Variants in NEGR1 observed in about 807,000 individuals in gnomAD.
NEGR1 encodes IgLON family member 4.
A neutral mutation model predicts 40.9 loss-of-function variants in NEGR1; 10 were observed. The ratio of observed to expected loss-of-function variants is 0.24; its 90% confidence interval spans 0.15 to 0.42. The LOEUF is 0.42. Ranked by LOEUF, NEGR1 falls within the 10% of genes least tolerant of loss-of-function variation. The probability of loss-of-function intolerance (pLI) is 1.00; values close to 1 mark genes in which losing one functional copy is unlikely to be tolerated. For synonymous variants in NEGR1, 185 were observed against 166.8 expected, an observed-to-expected ratio of 1.11 and a Z score of -0.84; for missense variants, 352 against 438.9, an observed-to-expected ratio of 0.80 and a Z score of 1.77.
chr1:72,030,896 A>C (rs78677627), intron 1 of NEGR1, among the ~76,000 whole-genome samples: 1 of 152,202 alleles, frequency 6.6e-6, no homozygotes. Context: ...GGAAAAAAAA[A>C]CAACTGAAGG....
chr1:71,618,966 C>T (rs950338938), intron 4 of NEGR1, among the ~76,000 whole-genome samples: 5 of 151,960 alleles, frequency 3.3e-5, no homozygotes, highest in African/African-American at 4.8e-5. Flanking sequence ...TTATGTTGTC[C>T]GTGACTTTTA....
intron 1 of NEGR1, among the ~76,000 whole-genome samples, chr1:72,279,015 A>T (rs1454560209): frequency 1.3e-5 from 2 of 152,230 alleles, no homozygotes; most frequent in South Asian, 2.1e-4. Context: ...ATCATTCAGA[A>T]ATTTAGCACA....
At chr1:71,837,925 A>T (rs891539699) in intron 2 of NEGR1, among the ~76,000 whole-genome samples, 2 of 152,120 alleles carry the variant, frequency 1.3e-5, no homozygotes, top group Non-Finnish European at 2.9e-5. Context: ...ATAAATTTGT[A>T]TTCTTCCTGA....
intron 2 of NEGR1, among the ~76,000 whole-genome samples, chr1:71,878,464 G>A (rs1316994510): frequency 6.6e-6 from 1 of 152,054 alleles, no homozygotes; most frequent in Admixed American, 6.6e-5. Flanking sequence ...TGTTATTGCT[G>A]GTTCAGCGAC....
chr1:71,473,954 T>G (rs1646801286), intron 6 of NEGR1, among the ~76,000 whole-genome samples: 1 of 152,062 alleles, frequency 6.6e-6, no homozygotes, highest in African/African-American at 2.4e-5. Flanking sequence ...ATAGATGTCT[T>G]GCCTGAGCCT....
chr1:71,935,812 T>C (rs990995360), intron 1 of NEGR1, among the ~76,000 whole-genome samples: 5 of 152,164 alleles, frequency 3.3e-5, no homozygotes, highest in Non-Finnish European at 7.3e-5. Flanking sequence ...TTTCTTTCTT[T>C]ATTTGAGGCA....
intron 1 of NEGR1, among the ~76,000 whole-genome samples, chr1:72,124,898 C>T (rs1216477191): frequency 6.6e-6 from 1 of 152,014 alleles, no homozygotes. Flanking sequence ...TATAATTTCT[C>T]ATTTGATAAC....
At chr1:71,586,474 T>G (rs1453993360) in intron 6 of NEGR1, among the ~76,000 whole-genome samples, 2 of 152,162 alleles carry the variant, frequency 1.3e-5, no homozygotes, top group Non-Finnish European at 2.9e-5. Flanking sequence ...AGGGTTTCAT[T>G]GCTTAAGAAA....
At chr1:72,071,753 C>A (rs972039793) in intron 1 of NEGR1, among the ~76,000 whole-genome samples, 5 of 152,054 alleles carry the variant, frequency 3.3e-5, no homozygotes, top group Admixed American at 6.6e-5. Flanking sequence ...TTTCCTGTTT[C>A]CACAACCACT....
chr1:71,830,325 C>T (rs546590280), intron 2 of NEGR1, among the ~76,000 whole-genome samples: 18 of 151,896 alleles, frequency 1.2e-4, no homozygotes, highest in Middle Eastern at 6.8e-3. Flanking sequence ...ATAAAAGGGG[C>T]TAATAGTAAA....
intron 1 of NEGR1, among the ~76,000 whole-genome samples, chr1:72,180,710 G>C (rs1261695320): frequency 1.3e-5 from 2 of 151,994 alleles, no homozygotes; most frequent in East Asian, 3.9e-4. Flanking sequence ...ATATGAAAAA[G>C]TGCTCATCAT....
chr1:71,780,305 A>G (rs1656666855), intron 2 of NEGR1, among the ~76,000 whole-genome samples: 1 of 152,218 alleles, frequency 6.6e-6, no homozygotes, highest in Non-Finnish European at 1.5e-5. Flanking sequence ...AGAGTTATAA[A>G]GAAATATATT....
chr1:72,101,757 TGCTTAC>T (rs1648955742), intron 1 of NEGR1, among the ~76,000 whole-genome samples: 1 of 152,124 alleles, frequency 6.6e-6, no homozygotes, highest in South Asian at 2.1e-4. Context: ...GAACTGGCAC[TGCTTAC>T]TCTAGGGCCA....
intron 4 of NEGR1, among the ~76,000 whole-genome samples, chr1:71,624,544 C>T (rs968356516): frequency 2.0e-4 from 30 of 151,940 alleles, no homozygotes; most frequent in Admixed American, 1.5e-3. Flanking sequence ...CTTCTGTGAC[C>T]ACATCTCTGT....
chr1:72,169,497 G>A (rs1651887309), intron 1 of NEGR1, among the ~76,000 whole-genome samples: 1 of 152,110 alleles, frequency 6.6e-6, no homozygotes, highest in Non-Finnish European at 1.5e-5. Context: ...TGAACTTAGT[G>A]TATAATCTTA....
intron 1 of NEGR1, among the ~76,000 whole-genome samples, chr1:71,964,364 T>G (rs1380791437): frequency 1.3e-5 from 2 of 152,134 alleles, no homozygotes; most frequent in African/African-American, 4.8e-5. Context: ...AATTCCACTT[T>G]GGTGATGTTC....
intron 1 of NEGR1, among the ~76,000 whole-genome samples, chr1:72,186,822 T>A (rs762925530): frequency 7.9e-5 from 12 of 151,608 alleles, no homozygotes; most frequent in Non-Finnish European, 1.6e-4. Context: ...AGAAGAACTC[T>A]GAAAACTGTA....
chr1:71,658,423 C>T (rs1038128736), intron 4 of NEGR1, among the ~76,000 whole-genome samples: 1 of 151,818 alleles, frequency 6.6e-6, no homozygotes, highest in African/African-American at 2.4e-5. Flanking sequence ...TTTAACTGGT[C>T]CAAAGAATCC....
intron 6 of NEGR1, among the ~76,000 whole-genome samples, chr1:71,409,570 A>T (rs1646302309): frequency 6.6e-6 from 1 of 151,982 alleles, no homozygotes; most frequent in Non-Finnish European, 1.5e-5. Flanking sequence ...AACTGAGCTG[A>T]CCACCTCTTT....
Sources: gnomAD v4.1 joint callset for allele counts (sites outside exome capture counted in the v4.1 genomes callset) on GRCh38, gnomAD v4.1.1 for gene constraint, MANE v1.5 for transcripts, NCBI Gene and HGNC (gene_info 2026-07-23, HGNC 2026-07-21) for gene names.